Variants in WDR25 observed in about 807,000 individuals in gnomAD.
WDR25 encodes the protein WD repeat-containing protein 25.
Under a neutral mutation model 47.7 loss-of-function variants are expected in WDR25, and 35 were observed. The ratio of observed to expected loss-of-function variants is 0.73; its 90% confidence interval spans 0.56 to 0.97. The LOEUF is 0.97. WDR25 is among the 50% of genes least tolerant of loss of function. The pLI is 0.00. For missense variants in WDR25, 634 were observed against 704.7 expected, an observed-to-expected ratio of 0.90 and a Z score of 1.14; for synonymous variants, 248 against 278.9, an observed-to-expected ratio of 0.89 and a Z score of 1.10.
At chr14:100,505,485 T>C (rs1429132634) in intron 4 of WDR25, among the ~76,000 whole-genome samples, 1 of 152,236 alleles carries the variant, frequency 6.6e-6, no homozygotes, top group Non-Finnish European at 1.5e-5. Context: ...TTGGTTACTG[T>C]AGCTTTATAA....
intron 2 of WDR25, among the ~76,000 whole-genome samples, chr14:100,426,592 G>A (rs1015988143): frequency 4.6e-5 from 7 of 152,348 alleles, no homozygotes; most frequent in Admixed American, 2.6e-4. Flanking sequence ...GATTAGAGCC[G>A]AGTTCTCCAG....
At chr14:100,494,047 G>A (rs1385807068) in intron 4 of WDR25, among the ~76,000 whole-genome samples, 1 of 152,126 alleles carries the variant, frequency 6.6e-6, no homozygotes, top group Admixed American at 6.5e-5. Context: ...CTCATAAAAA[G>A]CATTCTTCAA....
Position 100,529,206 on chromosome 14 carries a change from A to T in WDR25, c.1411A>T (p.Lys471Ter), listed in dbSNP as rs780536907. ...CAGACGGCGGCGCTATGAAGGGCACAAGGTACTTCTGTCCTTGTCCCCCAG... is the reference window on the plus strand; with the variant it reads ...CAGACGGCGGCGCTATGAAGGGCACTAGGTACTTCTGTCCTTGTCCCCCAG... Reference protein sequence around the residue: ...MSRRRRYEGHKVEGYSVGCEC... With the variant: ...MSRRRRYEGH Residue 471 changes from lysine to a stop codon, truncating the protein, a stop_gained and splice_region_variant, in exon 6 of 7, where the codon AAG (lysine) becomes TAG (stop). Transcript: ENST00000402312. LOFTEE classifies it high-confidence loss of function. This position sits in a 1 kb window ranked among gnomAD's most constrained non-coding sequence, Gnocchi z 5.1. 1 of 1,613,254 alleles carries T rather than the reference A, an allele frequency of 6.2e-7. No homozygotes were observed. Among genetic ancestry groups the T allele is most frequent in the Non-Finnish European group, 8.5e-7 (1 of 1,179,794 alleles).
chr14:100,417,201 C>T (rs1255856279), intron 2 of WDR25, among the ~76,000 whole-genome samples: 1 of 152,242 alleles, frequency 6.6e-6, no homozygotes, highest in Non-Finnish European at 1.5e-5. Context: ...GTCCTCCGCT[C>T]ATCTCCTCAC....
rs980329251 is a variant in WDR25 at position 100,523,320 on chromosome 14, G to A, written c.1102-2550G>A. 5.9e-5 allele frequency among the ~76,000 whole-genome samples: 9 copies of A among 152,206 alleles called. No individual in the cohort carries two copies. The highest frequency in any genetic ancestry group is 2.2e-4 in the African/African-American group (9 of 41,444). On this transcript the variant is annotated intron_variant, in intron 4 of 6. Coordinates refer to ENST00000402312, the MANE Select transcript of WDR25 (RefSeq NM_001161476.3). This position sits in a 1 kb window ranked among gnomAD's most constrained non-coding sequence, Gnocchi z 4.7. The stretch of plus-strand genomic sequence containing the variant: ...CCTGTGGCGTAGGCAGGTGGCTGAT[G>A]TGGGCAGCTAAGGGAGCACAGGGTT...
rs1343717755 is a variant in WDR25, at chr14:100,428,959, T to A, written c.823-39062T>A. Among the ~76,000 whole-genome samples, 1 of 152,168 alleles carries A rather than the reference T, an allele frequency of 6.6e-6. No homozygotes were observed. The highest frequency in any genetic ancestry group is 1.5e-5 in the Non-Finnish European group (1 of 68,036). On this transcript the variant is annotated intron_variant, in intron 2 of 6. Transcript: ENST00000402312. The surrounding 1 kb of genome is among the most constrained non-coding windows in gnomAD (Gnocchi z 4.3). ...GTCATCTAATATGGTTTCCCGAGCG[T>A]GTCAGCTTCACTTCACATAAGTCAT...
At chr14:100,381,897 T>C (rs1256409500) in intron 2 of WDR25, 151 bp downstream of exon 2, 2 of 698,848 alleles carry the variant, frequency 2.9e-6, no homozygotes, top group African/African-American at 3.6e-5. Flanking sequence ...GGGTCATCTG[T>C]GGTCAGCTCC....
Position 100,381,744 on chromosome 14 carries a change from A to G in WDR25, c.820A>G (p.Lys274Glu). ...LLSTSMDKTF[K>E]VWNAVDSGHC... ...CTCCACTTCTATGGATAAAACTTTC[A>G]AGGTAAGACTTGAATGAAAACTTCT... Residue 274 changes from lysine (K) to glutamate (E), a missense_variant and splice_region_variant, in exon 2 of 7, where the codon AAG (lysine) becomes GAG (glutamate). Physicochemically the swap from Lys to Glu is moderately conservative, Grantham distance 56. Transcript: ENST00000402312. 3 of 1,593,036 alleles carry G rather than the reference A, an allele frequency of 1.9e-6. No homozygotes were observed. The highest frequency in any genetic ancestry group is 2.6e-6 in the Non-Finnish European group (3 of 1,169,986).
Position 100,378,418 on chromosome 14 carries a change from C to T in WDR25, c.-16+1923C>T, listed in dbSNP as rs565392535. Among the ~76,000 whole-genome samples the T allele has an allele frequency of 4.6e-5, 7 of 152,258 alleles. No individual in the cohort carries two copies. The East Asian group carries it at 9.7e-4, about 21-fold the overall frequency. On this transcript the variant is annotated intron_variant, in intron 1 of 6. Coordinates refer to ENST00000402312, the MANE Select transcript of WDR25 (RefSeq NM_001161476.3). ...TCGACCTCAGGTGATCCGCCCACCT[C>T]GGCCTCCCAAAGTGCTGGGATTACA...
rs1364940599 is a variant in WDR25, at chr14:100,404,672, T to A, written c.822+22926T>A. Among the ~76,000 whole-genome samples, 2 of 152,144 alleles carry A rather than the reference T, an allele frequency of 1.3e-5. No individual in the cohort carries two copies. The highest frequency in any genetic ancestry group is 4.8e-5 in the African/African-American group (2 of 41,434). On this transcript the variant is annotated intron_variant, in intron 2 of 6. Coordinates refer to ENST00000402312, the MANE Select transcript of WDR25 (RefSeq NM_001161476.3). The surrounding 1 kb of genome is among the most constrained non-coding windows in gnomAD (Gnocchi z 4.6). Reference sequence around the variant, plus strand: ...CCATGGGGCTCACTGTGTGTGCAAATGTTCTGTCCCAGTTCAGTCTGCTGA... The same window carrying A: ...CCATGGGGCTCACTGTGTGTGCAAAAGTTCTGTCCCAGTTCAGTCTGCTGA...
Position 100,499,574 on chromosome 14 carries a change from T to C in WDR25, c.1101+15450T>C, listed in dbSNP as rs542199135. On this transcript the variant is annotated intron_variant, in intron 4 of 6. Transcript: ENST00000402312. The surrounding 1 kb of genome is among the most constrained non-coding windows in gnomAD (Gnocchi z 4.4). ...TTGTTTTCAGTGTAGGTGAGACTTA[T>C]GCATGTTCACCTGCATCCTGGAGGA... Among the ~76,000 whole-genome samples the C allele has an allele frequency of 7.9e-5, 12 of 152,310 alleles. No individual in the cohort carries two copies. In the South Asian group the frequency reaches 1.4e-3, roughly 18 times the overall value.
intron 2 of WDR25, among the ~76,000 whole-genome samples, chr14:100,447,204 T>C (rs1898864838): frequency 6.6e-6 from 1 of 152,234 alleles, no homozygotes; most frequent in African/African-American, 2.4e-5. Context: ...CTGAGCAGTG[T>C]TGAGTGAACT....
intron 2 of WDR25, among the ~76,000 whole-genome samples, chr14:100,388,628 A>G (rs1253748142): frequency 6.6e-6 from 1 of 152,176 alleles, no homozygotes; most frequent in Admixed American, 6.5e-5. Context: ...CTCCTCCCCC[A>G]TGTGAAAGCC....
chr14:100,518,022 G>T (rs967690677), intron 4 of WDR25, among the ~76,000 whole-genome samples: 1 of 151,940 alleles, frequency 6.6e-6, no homozygotes, highest in Admixed American at 6.6e-5. Flanking sequence ...TATAACTTAA[G>T]TGAAAAAATG....
intron 3 of WDR25, among the ~76,000 whole-genome samples, chr14:100,470,728 G>A (rs1899801399): frequency 1.3e-5 from 2 of 152,320 alleles, no homozygotes; most frequent in South Asian, 2.1e-4. Flanking sequence ...GGAGGAGTGG[G>A]AGGTAGAATG....
chr14:100,435,215 C>T (rs999781233), intron 2 of WDR25, among the ~76,000 whole-genome samples: 1 of 152,204 alleles, frequency 6.6e-6, no homozygotes, highest in African/African-American at 2.4e-5. Context: ...GGTGCCAGAA[C>T]TGAAACTTGT....
chr14:100,436,990 A>G (rs1898519757), intron 2 of WDR25, among the ~76,000 whole-genome samples: 1 of 152,204 alleles, frequency 6.6e-6, no homozygotes, highest in Non-Finnish European at 1.5e-5. Context: ...AGTCTTGCCT[A>G]GAAGAGCACT....
intron 2 of WDR25, among the ~76,000 whole-genome samples, chr14:100,445,892 C>T (rs962651331): frequency 6.6e-6 from 1 of 152,186 alleles, no homozygotes; most frequent in African/African-American, 2.4e-5. Flanking sequence ...GTTTAGAACC[C>T]TGTGATTCCA....
At chr14:100,513,690 CTT>C (rs77651175) in intron 4 of WDR25, among the ~76,000 whole-genome samples, 4 of 145,300 alleles carry the variant, frequency 2.8e-5, no homozygotes, top group African/African-American at 9.9e-5. Flanking sequence ...AAAGGACCCT[CTT>C]TTTTTTTTTT....
Sources: allele counts gnomAD v4.1 joint callset (sites outside exome capture counted in the v4.1 genomes callset), GRCh38; gene constraint gnomAD v4.1.1; non-coding constraint Gnocchi (gnomAD v3.1); transcripts MANE v1.5; gene names NCBI Gene and HGNC (gene_info 2026-07-23, HGNC 2026-07-21).